PTAFR: variants seen among roughly 807,000 people sequenced by gnomAD.
The protein encoded by PTAFR is platelet activating factor receptor.
A neutral mutation model predicts 14.7 loss-of-function variants in PTAFR; 8 were observed. The observed-to-expected ratio is 0.54, with a 90% CI of 0.32 to 0.98. The LOEUF is 0.98. Among genes scored for constraint, PTAFR ranks in the 50% least tolerant of loss-of-function variants. The pLI, the probability that PTAFR is intolerant of heterozygous loss-of-function variation, is 0.04. For missense variants in PTAFR, 337 were observed against 451.2 expected (o/e 0.75, Z 2.29); for synonymous variants, 156 against 176.5 (o/e 0.88, Z 0.92).
chr1:28,170,219 CCATCACAGGGCCTCCTA>C (rs1646437552), intron 1 of PTAFR, among the ~76,000 whole-genome samples: 1 of 152,100 alleles, frequency 6.6e-6, no homozygotes. Context: ...TCACCAATAC[CCATCACAGGGCCTCCTA>C]CATAGCAAAC....
At chr1:28,165,428 A>G (rs1212429750) in intron 1 of PTAFR, among the ~76,000 whole-genome samples, 25 of 139,168 alleles carry the variant, frequency 1.8e-4, no homozygotes, top group African/African-American at 6.6e-4. Context: ...AAAAAAAAGG[A>G]AAAAAAAAAA....
chr1:28,177,801 G>A (rs1319100413), upstream of PTAFR, among the ~76,000 whole-genome samples: 1 of 151,966 alleles, frequency 6.6e-6, no homozygotes, highest in Non-Finnish European at 1.5e-5. Flanking sequence ...GCATGCAGGT[G>A]AAGAGGGGTG....
At chr1:28,159,236 A>G (rs1212374482) in intron 1 of PTAFR, among the ~76,000 whole-genome samples, 1 of 152,198 alleles carries the variant, frequency 6.6e-6, no homozygotes, top group Non-Finnish European at 1.5e-5. Flanking sequence ...GAAGAGCCCA[A>G]CATCAAGGAA....
intron 1 of PTAFR, among the ~76,000 whole-genome samples, chr1:28,191,753 T>TC (rs200740739): frequency 3.5e-5 from 5 of 144,350 alleles, no homozygotes; most frequent in African/African-American, 1.0e-4. Context: ...ACTCTCTCTC[T>TC]TTTTTTTTTT....
chr1:28,153,715 G>T (rs1393381415), intron 1 of PTAFR, among the ~76,000 whole-genome samples: 3 of 151,780 alleles, frequency 2.0e-5, no homozygotes, highest in African/African-American at 7.3e-5. Flanking sequence ...TGGTGAAACT[G>T]TGTCTCTACT....
chr1:28,162,642 A>G (rs1646336696), intron 1 of PTAFR, among the ~76,000 whole-genome samples: 1 of 151,984 alleles, frequency 6.6e-6, no homozygotes, highest in African/African-American at 2.4e-5. Flanking sequence ...CCTGACCAAC[A>G]TAATGAAACC....
rs1033474094 is a variant in PTAFR at position 28,186,517 on chromosome 1, G to A, written c.-39+7205C>T. Among the ~76,000 whole-genome samples, 6 of 152,214 alleles carry A rather than the reference G, an allele frequency of 3.9e-5. 1 individual carries two copies. The highest frequency in any genetic ancestry group is 9.6e-5 in the African/African-American group (4 of 41,534). ...AAAATTCGAAATGAAAAAGCAAAGC[G>A]CCAAGAGTAGCTGAGAAATTTTTGA... is the stretch of plus-strand genomic sequence containing the variant. On this transcript the variant is annotated intron_variant, in intron 1 of 1. Coordinates refer to the PTAFR transcript ENST00000305392.
In PTAFR at chr1:28,150,549, G is replaced by T; in HGVS notation, c.473C>A (p.Thr158Asn). The T allele has an allele frequency of 1.2e-6, 2 of 1,614,208 alleles. No homozygotes were observed. The highest frequency in any genetic ancestry group is 1.7e-6 in the Non-Finnish European group (2 of 1,180,030). The change falls in exon 2 of 2, where the codon ACC becomes AAC. Residue 158 changes from threonine (T) to asparagine (N), a missense_variant. Physicochemically the swap from Thr to Asn is moderately conservative, Grantham distance 65. Coordinates refer to ENST00000373857, the MANE Select transcript of PTAFR (RefSeq NM_000952.5). This position sits in a 1 kb window ranked among gnomAD's most constrained non-coding sequence, Gnocchi z 6.3. ...AASYFLILDS[T>N]NTVPDSAGSG... Reference sequence around the variant, plus strand: ...GCCAGCACTGTCGGGCACTGTGTTGGTGGAGTCCAGGATGAGGAAGTAGGA... The same window carrying T: ...GCCAGCACTGTCGGGCACTGTGTTGTTGGAGTCCAGGATGAGGAAGTAGGA...
intron 1 of PTAFR, among the ~76,000 whole-genome samples, chr1:28,158,015 C>G (rs939120605): frequency 3.3e-5 from 5 of 152,218 alleles, no homozygotes; most frequent in Non-Finnish European, 7.3e-5. Flanking sequence ...GTTGCTCATT[C>G]ATGCATTCGT....
rs912270492 is a variant in PTAFR, at chr1:28,149,667, A to G, written c.*326T>C. 21 of 293,782 alleles carry G rather than the reference A, an allele frequency of 7.1e-5. No homozygotes were observed. Among genetic ancestry groups the G allele is most frequent in the Non-Finnish European group, 1.2e-4 (19 of 155,370 alleles). 18.2% of individuals were successfully genotyped at this position (293,782 alleles called of 1,614,324 possible). On this transcript the variant is annotated 3_prime_UTR_variant, in exon 2 of 2. Coordinates refer to ENST00000373857, the MANE Select transcript of PTAFR (RefSeq NM_000952.5). The stretch of plus-strand genomic sequence containing the variant: ...TTAGACCGATGCCCCATCGGGGAGA[A>G]CTAGGTGGTTTAAAGTCTTCCCCCA...
At chr1:28,191,202 CG>C (rs1309841396) in intron 1 of PTAFR, among the ~76,000 whole-genome samples, 4 of 152,112 alleles carry the variant, frequency 2.6e-5, no homozygotes, top group Admixed American at 6.6e-5. Context: ...CCAGGCCTCG[CG>C]GGGGAGGCCT....
At chr1:28,166,652 C>A (rs1433465916) in intron 1 of PTAFR, among the ~76,000 whole-genome samples, 6 of 149,414 alleles carry the variant, frequency 4.0e-5, no homozygotes, top group Non-Finnish European at 8.9e-5. Flanking sequence ...GCCTGGGAAA[C>A]AGAGCAAGAC....
intron 1 of PTAFR, among the ~76,000 whole-genome samples, chr1:28,168,120 G>C (rs555143602): frequency 7.4e-6 from 1 of 134,914 alleles, no homozygotes; most frequent in Non-Finnish European, 1.6e-5. Context: ...CACCACACCC[G>C]GCTAATTTTT....
chr1:28,152,513 T>C (rs1646205835), intron 1 of PTAFR, among the ~76,000 whole-genome samples: 1 of 151,650 alleles, frequency 6.6e-6, no homozygotes, highest in Admixed American at 6.6e-5. Flanking sequence ...TGGGCTGAGG[T>C]GGGTGGATCT....
intron 1 of PTAFR, among the ~76,000 whole-genome samples, chr1:28,151,517 G>A (rs313151): frequency 0.27 from 41,379 of 151,786 alleles, 7,091 homozygotes; most frequent in African/African-American, 0.49. Context: ...GGTGTGGCCT[G>A]TGGAAGGTGA....
intron 1 of PTAFR, among the ~76,000 whole-genome samples, chr1:28,165,821 C>T (rs1646379376): frequency 6.6e-6 from 1 of 151,946 alleles, no homozygotes; most frequent in Admixed American, 6.6e-5. Context: ...GAAGATGACA[C>T]AAATAAATGG....
intron 1 of PTAFR, among the ~76,000 whole-genome samples, chr1:28,158,811 A>G (rs1646294282): frequency 6.6e-6 from 1 of 152,154 alleles, no homozygotes; most frequent in African/African-American, 2.4e-5. Context: ...CTTGGAAGGG[A>G]CAAGACTGGG....
intron 1 of PTAFR, among the ~76,000 whole-genome samples, chr1:28,193,204 T>C (rs1646669860): frequency 1.3e-5 from 2 of 151,542 alleles, no homozygotes; most frequent in African/African-American, 4.9e-5. Context: ...GGGAAGATAT[T>C]TGTGAGACCT....
intron 1 of PTAFR, among the ~76,000 whole-genome samples, chr1:28,161,232 A>G (rs893471134): frequency 9.9e-5 from 15 of 152,100 alleles, no homozygotes; most frequent in African/African-American, 3.1e-4. Flanking sequence ...TCTTTATCCC[A>G]CTGAAATTGC....
Sources: gnomAD v4.1 joint callset for allele counts (sites outside exome capture counted in the v4.1 genomes callset) on GRCh38, gnomAD v4.1.1 for gene constraint, Gnocchi (gnomAD v3.1) non-coding constraint, MANE v1.5 for transcripts, NCBI Gene and HGNC (gene_info 2026-07-23, HGNC 2026-07-21) for gene names.